DCLRE1C: variants seen among roughly 807,000 people sequenced by gnomAD.
The protein encoded by DCLRE1C is DNA cross-link repair 1C, also known as protein artemis.
DCLRE1C carries 47 observed loss-of-function variants against 61.4 expected under a neutral mutation model. The ratio of observed to expected loss-of-function variants is 0.77; its 90% CI spans 0.61 to 0.98. The LOEUF (loss-of-function observed/expected upper bound fraction) is 0.98. Ranked by LOEUF, DCLRE1C falls within the 50% of genes least tolerant of loss-of-function variation. The probability of loss-of-function intolerance (pLI) is 0.00; values close to 1 mark genes in which losing one functional copy is unlikely to be tolerated. For missense variants in DCLRE1C, 858 were observed against 816.0 expected (o/e 1.05, Z -0.63); for synonymous variants, 337 against 287.6 (o/e 1.17, Z -1.74).
In DCLRE1C at chr10:14,932,850, G is replaced by A. The variant is rs769782951; in HGVS notation, c.780+4C>T. On this transcript the variant is annotated splice_donor_region_variant and intron_variant, in intron 9 of 13. Transcript: ENST00000378278. ...AATACGAGAGGAATCACTTGCACAC[G>A]TACCTTGGGATGCCGGCATGCATGG... 20 of 1,613,834 alleles carry A rather than the reference G, an allele frequency of 1.2e-5. No individual in the cohort carries two copies. Among genetic ancestry groups the A allele is most frequent in the African/African-American group, 9.3e-5 (7 of 74,902 alleles).
rs182977883 is a variant in DCLRE1C at position 14,934,714 on chromosome 10, T to C, written c.526A>G (p.Ile176Val). ...CCAGGCAGACTTACCCGACTTGGAA[T>C]TTGGTAAAATCTTGGATCACAGAAC... ...TTFCDPRFYQ[I>V]PSREECLSGV... Residue 176 changes from isoleucine (I) to valine (V), a missense_variant, in exon 7 of 14, where the codon ATT becomes GTT. Coordinates refer to ENST00000378278, the MANE Select transcript of DCLRE1C (RefSeq NM_001033855.3). 18 of 1,614,060 alleles carry C rather than the reference T, an allele frequency of 1.1e-5. No homozygotes were observed. The African/African-American group carries it at 2.0e-4, about 18-fold the overall frequency.
At chr10:14,916,086 G>T (rs1419451026) in intron 13 of DCLRE1C, among the ~76,000 whole-genome samples, 1 of 152,066 alleles carries the variant, frequency 6.6e-6, no homozygotes, top group East Asian at 1.9e-4. Flanking sequence ...AAGAACAGAA[G>T]GGAAGTAATT....
rs919072477 is a variant in DCLRE1C, at chr10:14,907,042, G to A, written c.*1366C>T. On this transcript the variant is annotated 3_prime_UTR_variant, in exon 14 of 14. Transcript: ENST00000378278. ...CACCACCATGTCTGGCTAACATTTT[G>A]TGGAGACAGGGTCTCCCTGTGTGTT... Among the ~76,000 whole-genome samples, 4 of 151,694 alleles carry A rather than the reference G, an allele frequency of 2.6e-5. No individual in the cohort carries two copies. Among genetic ancestry groups the A allele is most frequent in the South Asian group, 2.1e-4 (1 of 4,800 alleles).
chr10:14,947,953 G>A (rs555753134), intron 2 of DCLRE1C, among the ~76,000 whole-genome samples: 69 of 152,226 alleles, frequency 4.5e-4, no homozygotes, highest in Middle Eastern at 3.4e-3. Context: ...CAGCTACTCC[G>A]GTGGCTGAGG....
intron 1 of DCLRE1C, among the ~76,000 whole-genome samples, chr10:14,950,023 C>A (rs573894177): frequency 1.3e-5 from 2 of 151,780 alleles, no homozygotes; most frequent in Non-Finnish European, 2.9e-5. Context: ...TCGGCCTGGG[C>A]GACAGAGTGA....
intron 2 of DCLRE1C, chr10:14,947,635 T>A (rs1056727981): frequency 1.3e-5 from 2 of 152,232 alleles, no homozygotes; most frequent in Admixed American, 1.3e-4. Context: ...AATAGTAGGA[T>A]CTATTCAAAA....
rs923587903 is a variant in DCLRE1C, at chr10:14,907,708, TATCA to T, written c.*696_*699del. 6.6e-6 allele frequency among the ~76,000 whole-genome samples: 1 copy of T among 152,300 alleles called. No homozygotes were observed. The highest frequency in any genetic ancestry group is 2.4e-5 in the African/African-American group (1 of 41,568). ...ACATGGTTTTTCCATCCTTTTAACC[TATCA>T]ATCACTTGAATTGACTTTCTTTATA... On this transcript the variant is annotated 3_prime_UTR_variant, in exon 14 of 14. Transcript: ENST00000378278.
downstream of DCLRE1C, chr10:14,902,278 C>T (rs1834077584): frequency 2.0e-6 from 1 of 496,366 alleles, no homozygotes; most frequent in Non-Finnish European, 3.6e-6. Flanking sequence ...AGTTAACTTA[C>T]TCTAAGGGTC....
intron 13 of DCLRE1C, among the ~76,000 whole-genome samples, chr10:14,912,111 G>A (rs188031855): frequency 2.0e-5 from 3 of 152,350 alleles, no homozygotes; most frequent in Non-Finnish European, 4.4e-5. Flanking sequence ...CAGTGTGGCT[G>A]TTATCTAGAG....
chr10:14,953,780 T>G lies in DCLRE1C; in HGVS notation c.109+122A>C, dbSNP rs1842802409. On this transcript the variant is annotated intron_variant, in intron 1 of 13. Transcript: ENST00000378278. ...AAGAGCCCGACTGGGACAAGGCGTG[T>G]GCTGGCCGCCCCCTCGCTGGCTTCC... 6 of 1,412,944 alleles carry G rather than the reference T, an allele frequency of 4.2e-6. No homozygotes were observed. The Admixed American group carries it at 1.2e-4, about 28-fold the overall frequency. 87.5% of individuals were successfully genotyped at this position (1,412,944 alleles called of 1,614,324 possible).
At chr10:14,914,307 T>C (rs1022158512) in intron 13 of DCLRE1C, among the ~76,000 whole-genome samples, 1 of 152,220 alleles carries the variant, frequency 6.6e-6, no homozygotes, top group African/African-American at 2.4e-5. Flanking sequence ...GATAAAGGTA[T>C]CAATCCCTCA....
chr10:14,925,422 T>A (rs1300926090), intron 11 of DCLRE1C, among the ~76,000 whole-genome samples: 2 of 152,030 alleles, frequency 1.3e-5, no homozygotes, highest in Non-Finnish European at 2.9e-5. Context: ...ATTCTCTTTA[T>A]TCACAGTAGT....
At chr10:14,931,276 T>A (rs1484414695) in intron 9 of DCLRE1C, among the ~76,000 whole-genome samples, 1 of 152,056 alleles carries the variant, frequency 6.6e-6, no homozygotes, top group Admixed American at 6.6e-5. Context: ...AGAAAACGAA[T>A]GAGGCTGGGT....
chr10:14,908,926 G>T lies in DCLRE1C; in HGVS notation c.1561C>A (p.Leu521Ile), dbSNP rs1478223932. Reference sequence around the variant, plus strand: ...GATTCTCCATCAGAGTCACTGAAAAGCTTTGGTGACTGAGATCCCCCTGCC... The same window carrying T: ...GATTCTCCATCAGAGTCACTGAAAATCTTTGGTGACTGAGATCCCCCTGCC... Reference protein sequence around the residue: ...TVAGGSQSPKLFSDSDGESTH... With the variant: ...TVAGGSQSPKIFSDSDGESTH... The change falls in exon 14 of 14, where the codon CTT becomes ATT. Residue 521 changes from leucine to isoleucine, a missense_variant. By Grantham distance (5) the Leu-to-Ile change is conservative (BLOSUM62 2). This residue lies in a region of DCLRE1C where 843 missense variants were observed against 783.5 expected (regional missense o/e 1.08). Coordinates refer to ENST00000378278, the MANE Select transcript of DCLRE1C (RefSeq NM_001033855.3). 5 of 1,614,186 alleles carry T rather than the reference G, an allele frequency of 3.1e-6. No individual in the cohort carries two copies. The highest frequency in any genetic ancestry group is 1.3e-5 in the African/African-American group (1 of 75,064).
At chr10:14,938,655 AC>A (rs1840372475) in intron 4 of DCLRE1C, among the ~76,000 whole-genome samples, 3 of 152,258 alleles carry the variant, frequency 2.0e-5, no homozygotes, top group Non-Finnish European at 2.9e-5. Context: ...CAAAAGTACT[AC>A]CTCAAAATTT....
In DCLRE1C at chr10:14,907,651, T is replaced by G. The variant is rs905148723; in HGVS notation, c.*757A>C. ...ACTAGACCTTTTATCATTAGGAAAC[T>G]GTCCATATAACCACTCCATTTTTAA... is the stretch of plus-strand genomic sequence containing the variant. On this transcript the variant is annotated 3_prime_UTR_variant, in exon 14 of 14. Transcript: ENST00000378278. Among the ~76,000 whole-genome samples, 6 of 152,134 alleles carry G rather than the reference T, an allele frequency of 3.9e-5. No individual in the cohort carries two copies. Among genetic ancestry groups the G allele is most frequent in the African/African-American group, 1.4e-4 (6 of 41,444 alleles).
chr10:14,898,166 T>G (rs1336705324), exon 14 of DCLRE1C: 1 of 146,046 alleles, frequency 6.8e-6, no homozygotes, highest in Non-Finnish European at 1.5e-5. Flanking sequence ...ATTAATTCAC[T>G]AATCCTCTCC....
intron 9 of DCLRE1C, among the ~76,000 whole-genome samples, chr10:14,932,505 C>T (rs184997991): frequency 2.4e-4 from 36 of 151,386 alleles, no homozygotes; most frequent in African/African-American, 7.5e-4. Context: ...TGCATGGTGG[C>T]GGGCGCCTGT....
downstream of DCLRE1C, chr10:14,902,817 T>G (rs1834112985): frequency 5.8e-6 from 1 of 173,202 alleles, no homozygotes; most frequent in South Asian, 1.7e-4. Flanking sequence ...CCCGTAGTGT[T>G]TGAAAGCGTT....
Sources: gnomAD v4.1 joint callset for allele counts (sites outside exome capture counted in the v4.1 genomes callset) on GRCh38, gnomAD v4.1.1 for gene constraint, gnomAD v4.1.1 regional missense constraint, MANE v1.5 for transcripts, NCBI Gene and HGNC (gene_info 2026-07-23, HGNC 2026-07-21) for gene names.